Variants in RPIA observed in about 807,000 individuals in gnomAD.
RPIA encodes the protein ribose 5-phosphate isomerase A, also known as ribose-5-phosphate isomerase.
RPIA carries 29 observed loss-of-function variants against 37.8 expected under a neutral mutation model. The ratio of observed to expected loss-of-function variants is 0.77; its 90% confidence interval spans 0.57 to 1.05. The LOEUF (loss-of-function observed/expected upper bound fraction) is 1.05. Among genes scored for constraint, RPIA ranks in the 50% least tolerant of loss-of-function variants. The pLI, the probability that RPIA is intolerant of heterozygous loss-of-function variation, is 0.00. For synonymous variants in RPIA, 167 were observed against 157.0 expected (o/e 1.06, Z -0.48); for missense variants, 385 against 413.6 (o/e 0.93, Z 0.60).
chr2:88,711,601 A>G (rs562080727), intron 3 of RPIA, among the ~76,000 whole-genome samples: 1 of 152,376 alleles, frequency 6.6e-6, no homozygotes, highest in East Asian at 1.9e-4. Flanking sequence ...AAAAAGTGCC[A>G]GAGTCTTAAT....
At chr2:88,728,998 C>T (rs112799443) in intron 3 of RPIA, among the ~76,000 whole-genome samples, 137 of 152,264 alleles carry the variant, frequency 9.0e-4, no homozygotes, top group African/African-American at 3.1e-3. Context: ...TTTAGGATGC[C>T]GTGGCATTCT....
chr2:88,725,603 AG>A (rs1673186473), intron 3 of RPIA, among the ~76,000 whole-genome samples: 1 of 152,110 alleles, frequency 6.6e-6, no homozygotes, highest in African/African-American at 2.4e-5. Flanking sequence ...GCTTTTAATA[AG>A]GACATCAGTC....
At chr2:88,728,707 T>C (rs1345953840) in intron 3 of RPIA, among the ~76,000 whole-genome samples, 1 of 152,226 alleles carries the variant, frequency 6.6e-6, no homozygotes, top group Non-Finnish European at 1.5e-5. Context: ...ATAACGTCAG[T>C]GGTGCTGACT....
chr2:88,735,592 G>A, intron 5 of RPIA, 77 bp from the exon 6 acceptor site: 2 of 1,294,794 alleles, frequency 1.5e-6, no homozygotes, highest in South Asian at 2.4e-5. Flanking sequence ...AGTGGATTTG[G>A]GATTCCTGTA....
intron 1 of RPIA, among the ~76,000 whole-genome samples, chr2:88,694,855 G>A (rs767031728): frequency 8.6e-5 from 13 of 151,946 alleles, no homozygotes; most frequent in Non-Finnish European, 1.5e-4. Context: ...ACAGACAGCC[G>A]TTGCAGGGTT....
At chr2:88,721,116 CAG>C (rs555703356) in intron 3 of RPIA, among the ~76,000 whole-genome samples, 2,027 of 152,098 alleles carry the variant, frequency 0.013, 21 homozygotes, top group Non-Finnish European at 0.02. Context: ...AACACAAGAA[CAG>C]AAAACCAGAC....
At chr2:88,734,509 C>T (rs780302222) in intron 4 of RPIA, 43 bp from the exon 5 acceptor site, 7 of 1,597,960 alleles carry the variant, frequency 4.4e-6, no homozygotes, top group South Asian at 1.1e-5. Context: ...AGCAGAGGCT[C>T]CCCTCGAGTG....
At chr2:88,733,748 G>T (rs546119780) in intron 4 of RPIA, among the ~76,000 whole-genome samples, 2 of 152,330 alleles carry the variant, frequency 1.3e-5, no homozygotes, top group South Asian at 4.1e-4. Flanking sequence ...AATAGAATTT[G>T]TACCCTGCAT....
At chr2:88,734,747 G>A (rs1018446037) in intron 5 of RPIA, 131 bp downstream of exon 5, 1 of 965,074 alleles carries the variant, frequency 1.0e-6, no homozygotes. Flanking sequence ...GATATTGATA[G>A]CATATGGCCT....
chr2:88,740,554 G>T (rs1402826314), intron 8 of RPIA, among the ~76,000 whole-genome samples: 1 of 152,174 alleles, frequency 6.6e-6, no homozygotes, highest in Non-Finnish European at 1.5e-5. Flanking sequence ...CAGTATGTGA[G>T]GACGCTTAGA....
chr2:88,697,995 A>C (rs994078372), intron 1 of RPIA, among the ~76,000 whole-genome samples: 1 of 150,834 alleles, frequency 6.6e-6, no homozygotes. Context: ...TCCAGGCTCT[A>C]TTGTTTTTTC....
chr2:88,729,057 A>G (rs538107871), intron 3 of RPIA, among the ~76,000 whole-genome samples: 1 of 152,354 alleles, frequency 6.6e-6, no homozygotes, highest in East Asian at 1.9e-4. Flanking sequence ...GCATTGGAAC[A>G]GGGTCTTTGC....
intron 3 of RPIA, among the ~76,000 whole-genome samples, chr2:88,716,654 T>G (rs531787431): frequency 6.6e-6 from 1 of 152,310 alleles, no homozygotes; most frequent in African/African-American, 2.4e-5. Flanking sequence ...TCACAGGGCC[T>G]TTTAAAATTC....
At chr2:88,696,893 C>T (rs1005947878) in intron 1 of RPIA, among the ~76,000 whole-genome samples, 3 of 152,130 alleles carry the variant, frequency 2.0e-5, no homozygotes, top group Non-Finnish European at 2.9e-5. Flanking sequence ...TCTTAAAGGT[C>T]CCACTTCTTA....
At chr2:88,698,868 AG>A (rs1672791186) in intron 2 of RPIA, among the ~76,000 whole-genome samples, 1 of 152,172 alleles carries the variant, frequency 6.6e-6, no homozygotes, top group Non-Finnish European at 1.5e-5. Context: ...TCTTTGCGTG[AG>A]CTCAGACTTC....
chr2:88,732,728 TAAAAAAAAAAAAAAAAAAA>T (rs75685116), intron 4 of RPIA, among the ~76,000 whole-genome samples: 1 of 1,998 alleles, frequency 5.0e-4, no homozygotes, highest in Admixed American at 5.6e-3. Context: ...TAGAGTATAA[TAAAAAAAAAAAAAAAAAAA>T]AAAAAAAAAA....
intron 1 of RPIA, among the ~76,000 whole-genome samples, chr2:88,693,600 GGTAA>G (rs1387955830): frequency 6.6e-6 from 1 of 152,230 alleles, no homozygotes; most frequent in Non-Finnish European, 1.5e-5. Flanking sequence ...CCCCTTAAAG[GGTAA>G]GCTCCTGGAG....
chr2:88,750,493 T>A lies in RPIA; in HGVS notation c.*415T>A. 2.3e-6 allele frequency: 1 copy of A among 429,796 alleles called. No homozygotes were observed. Among genetic ancestry groups the A allele is most frequent in the Non-Finnish European group, 4.1e-6 (1 of 244,434 alleles). The allele number at this position is 429,796 out of a possible 1,614,324, so 26.6% of individuals were successfully genotyped here. On this transcript the variant is annotated 3_prime_UTR_variant, in exon 9 of 9. Transcript: ENST00000283646. ...GGTAAAGTGAGGGGCCCACCAGCAG[T>A]GATCTCCTGATGCCTTACTGGAAAC...
At chr2:88,736,788 T>G in intron 7 of RPIA, 112 bp downstream of exon 7, 1 of 1,286,820 alleles carries the variant, frequency 7.8e-7, no homozygotes, top group Middle Eastern at 2.5e-4. Flanking sequence ...CAATTGGCTT[T>G]TATTTATTTT....
Sources: allele counts gnomAD v4.1 joint callset (sites outside exome capture counted in the v4.1 genomes callset), GRCh38; gene constraint gnomAD v4.1.1; transcripts MANE v1.5; gene names NCBI Gene and HGNC (gene_info 2026-07-23, HGNC 2026-07-21).